GABRG3: variants seen among roughly 807,000 people sequenced by gnomAD.
GABRG3 encodes the protein gamma-aminobutyric acid receptor subunit gamma-3.
In GABRG3, 25 loss-of-function variants were observed where a neutral mutation model predicts 48.8. That is an observed-to-expected ratio of 0.51 (90% CI 0.37 to 0.72). The LOEUF is 0.72. GABRG3 is among the 30% of genes least tolerant of loss of function. The pLI, the probability that GABRG3 is intolerant of heterozygous loss-of-function variation, is 0.00. For missense variants in GABRG3, 394 were observed against 577.9 expected (o/e 0.68, Z 3.26); for synonymous variants, 227 against 217.6 (o/e 1.04, Z -0.38).
At chr15:27,430,736 T>G (rs761900759) in intron 5 of GABRG3, among the ~76,000 whole-genome samples, 14 of 152,154 alleles carry the variant, frequency 9.2e-5, no homozygotes, top group Non-Finnish European at 1.8e-4. Context: ...ACACCTGTAA[T>G]CCCAGTACTT....
At chr15:27,424,360 T>C (rs942619439) in intron 5 of GABRG3, among the ~76,000 whole-genome samples, 1 of 152,118 alleles carries the variant, frequency 6.6e-6, no homozygotes, top group Non-Finnish European at 1.5e-5. Flanking sequence ...AAGATCAAGG[T>C]GACAGCAGGT....
At chr15:27,285,624 T>C (rs1185686119) in intron 3 of GABRG3, among the ~76,000 whole-genome samples, 1 of 152,196 alleles carries the variant, frequency 6.6e-6, no homozygotes, top group Non-Finnish European at 1.5e-5. Flanking sequence ...GTAGAAGAGA[T>C]GTCAAGTCTG....
At chr15:27,434,603 A>T (rs762252012) in intron 5 of GABRG3, among the ~76,000 whole-genome samples, 1 of 152,224 alleles carries the variant, frequency 6.6e-6, no homozygotes, top group African/African-American at 2.4e-5. Flanking sequence ...AAAACAAATG[A>T]TAGCACATAA....
chr15:27,267,774 A>G (rs1382705801), intron 3 of GABRG3, among the ~76,000 whole-genome samples: 1 of 152,168 alleles, frequency 6.6e-6, no homozygotes, highest in Non-Finnish European at 1.5e-5. Flanking sequence ...TTCTGCATCT[A>G]TTGATATGAT....
At chr15:27,512,704 GAGA>G (rs1401519581) in intron 6 of GABRG3, among the ~76,000 whole-genome samples, 1 of 152,184 alleles carries the variant, frequency 6.6e-6, no homozygotes, top group Non-Finnish European at 1.5e-5. Context: ...GGAGGTTGTG[GAGA>G]AGAAAAGAAC....
At chr15:27,217,978 G>A (rs577499439) in intron 3 of GABRG3, among the ~76,000 whole-genome samples, 3 of 152,228 alleles carry the variant, frequency 2.0e-5, no homozygotes, top group African/African-American at 4.8e-5. Flanking sequence ...CCAGTCTGTC[G>A]CCTTCAGAGG....
At chr15:27,158,994 G>T (rs1284502454) in intron 3 of GABRG3, among the ~76,000 whole-genome samples, 1 of 152,140 alleles carries the variant, frequency 6.6e-6, no homozygotes, top group African/African-American at 2.4e-5. Flanking sequence ...GGCCATTGTA[G>T]TCAGGAAGTC....
intron 5 of GABRG3, chr15:27,362,898 A>C (rs1354035493): frequency 6.6e-6 from 1 of 152,244 alleles, no homozygotes; most frequent in African/African-American, 2.4e-5. Flanking sequence ...TCATTCTTCA[A>C]GATTCCCAGG....
intron 3 of GABRG3, chr15:27,271,413 G>A: frequency 2.6e-6 from 1 of 379,486 alleles, no homozygotes; most frequent in Non-Finnish European, 5.2e-6. Flanking sequence ...AGGGAGCTGC[G>A]CAAGCTGGTA....
intron 1 of GABRG3, among the ~76,000 whole-genome samples, chr15:26,972,287 A>G (rs912084093): frequency 1.2e-4 from 19 of 152,118 alleles, no homozygotes; most frequent in Non-Finnish European, 4.4e-5. Flanking sequence ...TAAATTCCGC[A>G]ACCTTCCTCC....
chr15:26,981,958 T>C (rs1413072982), intron 2 of GABRG3, among the ~76,000 whole-genome samples: 1 of 152,214 alleles, frequency 6.6e-6, no homozygotes, highest in Non-Finnish European at 1.5e-5. Context: ...TAGTGCAGCG[T>C]TGGAGAAATC....
At chr15:27,129,006 G>A (rs1422855190) in intron 3 of GABRG3, among the ~76,000 whole-genome samples, 1 of 152,096 alleles carries the variant, frequency 6.6e-6, no homozygotes, top group African/African-American at 2.4e-5. Context: ...AGTCAATATT[G>A]GAGGTTTGGG....
chr15:27,037,340 C>G (rs1364344484), intron 3 of GABRG3, among the ~76,000 whole-genome samples: 6 of 152,162 alleles, frequency 3.9e-5, no homozygotes, highest in Admixed American at 3.9e-4. Flanking sequence ...ATTGAAGAAA[C>G]AGGAGAGAAA....
In GABRG3 at chr15:26,971,599, C is replaced by A; in HGVS notation, c.53+11C>A. On this transcript the variant is annotated intron_variant, in intron 1 of 9. Coordinates refer to ENST00000615808, the MANE Select transcript of GABRG3 (RefSeq NM_033223.5). ...GGGCTTGCACGCGCGGTAAGTGGCG[C>A]GGGGGCCGCATCCCCGGAGGCCCCG... The A allele has an allele frequency of 6.6e-7, 1 of 1,524,750 alleles. No individual in the cohort carries two copies. The allele number at this position is 1,524,750 out of a possible 1,614,324, so 94.5% of individuals were successfully genotyped here.
intron 3 of GABRG3, among the ~76,000 whole-genome samples, chr15:27,235,870 T>C (rs1889943796): frequency 6.6e-6 from 1 of 152,198 alleles, no homozygotes; most frequent in Non-Finnish European, 1.5e-5. Flanking sequence ...AGGTTTGCTC[T>C]GCAGACCTCT....
intron 3 of GABRG3, among the ~76,000 whole-genome samples, chr15:27,113,497 C>T (rs1428061363): frequency 2.0e-5 from 3 of 152,052 alleles, no homozygotes; most frequent in Non-Finnish European, 2.9e-5. Flanking sequence ...AGGTGGAGGG[C>T]TGGGGGTGAT....
chr15:27,355,192 A>G (rs1894795250), intron 5 of GABRG3, among the ~76,000 whole-genome samples: 1 of 152,228 alleles, frequency 6.6e-6, no homozygotes, highest in African/African-American at 2.4e-5. Context: ...AGTGATCTTT[A>G]GTCTGTAACC....
chr15:27,286,802 C>T (rs1891628671), intron 3 of GABRG3, among the ~76,000 whole-genome samples: 1 of 152,150 alleles, frequency 6.6e-6, no homozygotes, highest in Non-Finnish European at 1.5e-5. Context: ...GATGAGTGGA[C>T]CAATTACCTA....
intron 3 of GABRG3, among the ~76,000 whole-genome samples, chr15:27,167,192 A>G (rs1330646842): frequency 6.6e-6 from 1 of 152,190 alleles, no homozygotes; most frequent in African/African-American, 2.4e-5. Flanking sequence ...CAGATAGCCC[A>G]TGCCCGAGGT....
Sources: gnomAD v4.1 joint callset for allele counts (sites outside exome capture counted in the v4.1 genomes callset) on GRCh38, gnomAD v4.1.1 for gene constraint, MANE v1.5 for transcripts, NCBI Gene and HGNC (gene_info 2026-07-23, HGNC 2026-07-21) for gene names.